The following DACH2 variants were observed in gnomAD, a reference collection of about 807,000 sequenced individuals.
The protein encoded by DACH2 is dachshund family transcription factor 2, also known as dachshund homolog 2.
In DACH2, 17 loss-of-function variants were observed where a neutral mutation model predicts 35.8. The ratio of observed to expected loss-of-function variants is 0.48; its 90% confidence interval spans 0.33 to 0.71. The LOEUF (loss-of-function observed/expected upper bound fraction) is 0.71, where lower values mean the gene tolerates loss of function less well. Ranked by LOEUF, DACH2 falls within the 30% of genes least tolerant of loss-of-function variation. DACH2 has a pLI of 0.02. For missense variants in DACH2, 469 were observed against 472.7 expected (o/e 0.99, Z 0.07); for synonymous variants, 195 against 177.3 (o/e 1.10, Z -0.79).
intron 1 of DACH2, among the ~76,000 whole-genome samples, chrX:86,359,213 A>G (rs991680652): frequency 1.8e-5 from 2 of 110,606 alleles, no homozygotes; most frequent in African/African-American, 6.6e-5. Context: ...CTGGTGAGAA[A>G]TATAAATGCT....
Position 86,228,720 on chromosome X carries a change from T to A in DACH2, c.488+79612T>A, listed in dbSNP as rs757623426. 2.7e-5 allele frequency among the ~76,000 whole-genome samples: 3 copies of A among 111,942 alleles called. No individual in the cohort carries two copies. The South Asian group carries it at 1.1e-3, about 41-fold the overall frequency. On this transcript the variant is annotated intron_variant, in intron 1 of 11. Coordinates refer to ENST00000373125, the MANE Select transcript of DACH2 (RefSeq NM_053281.3). ...TGCATTTTCCTGATTATTAGTGATG[T>A]TGAGCATTTTTTCATGTATTTTTTG...
At chrX:86,457,423 C>A (rs924053008) in intron 2 of DACH2, among the ~76,000 whole-genome samples, 2 of 111,864 alleles carry the variant, frequency 1.8e-5, no homozygotes, top group Admixed American at 9.5e-5. Context: ...CAAAGTCACC[C>A]ACATGAATCT....
chrX:86,665,626 A>T (rs1342600871), intron 4 of DACH2, among the ~76,000 whole-genome samples: 2 of 112,022 alleles, frequency 1.8e-5, no homozygotes, highest in Admixed American at 1.9e-4. Context: ...ACGAAGGAAA[A>T]ATCACAACCA....
chrX:86,646,674 T>C (rs1002556451), intron 3 of DACH2, among the ~76,000 whole-genome samples: 7 of 109,918 alleles, frequency 6.4e-5, no homozygotes, highest in African/African-American at 2.3e-4. Context: ...TGGAGGAATA[T>C]GTTTTCAAAT....
chrX:86,760,234 G>T (rs34842252), intron 7 of DACH2, among the ~76,000 whole-genome samples: 2 of 110,335 alleles, frequency 1.8e-5, no homozygotes, highest in Non-Finnish European at 3.8e-5. Flanking sequence ...ATCTGTGTGC[G>T]CAAGTCTCTT....
chrX:86,312,524 C>G (rs2034821932), intron 1 of DACH2, among the ~76,000 whole-genome samples: 1 of 111,398 alleles, frequency 9.0e-6, no homozygotes, highest in African/African-American at 3.3e-5. Flanking sequence ...CTGGGTGTGT[C>G]TGTGTGGGTG....
intron 7 of DACH2, among the ~76,000 whole-genome samples, chrX:86,790,476 C>A (rs2042176839): frequency 1.8e-5 from 2 of 112,242 alleles, no homozygotes; most frequent in African/African-American, 6.5e-5. Context: ...ACCATTGACT[C>A]TTGAACAATG....
At chrX:86,546,959 C>A (rs1056987360) in intron 3 of DACH2, among the ~76,000 whole-genome samples, 1 of 111,300 alleles carries the variant, frequency 9.0e-6, no homozygotes, top group African/African-American at 3.3e-5. Context: ...ATTAGCACTA[C>A]AAGACTTGAC....
At chrX:86,482,760 T>G (rs2148236075) in intron 2 of DACH2, among the ~76,000 whole-genome samples, 1 of 110,076 alleles carries the variant, frequency 9.1e-6, no homozygotes, top group South Asian at 3.9e-4. Context: ...CTCATTGTGG[T>G]TTTGATTTGC....
chrX:86,605,495 A>G (rs867652170), intron 3 of DACH2, among the ~76,000 whole-genome samples: 1 of 110,647 alleles, frequency 9.0e-6, no homozygotes, highest in South Asian at 3.7e-4. Flanking sequence ...AGTCTGATTT[A>G]AAAAAAATCT....
At chrX:86,419,491 G>T (rs2036765342) in intron 2 of DACH2, among the ~76,000 whole-genome samples, 1 of 111,326 alleles carries the variant, frequency 9.0e-6, no homozygotes, top group Non-Finnish European at 1.9e-5. Context: ...AAAACCATCA[G>T]ATCTCGTGAG....
intron 1 of DACH2, among the ~76,000 whole-genome samples, chrX:86,359,113 G>A (rs1320008800): frequency 1.9e-5 from 2 of 105,950 alleles, no homozygotes; most frequent in East Asian, 5.8e-4. Context: ...GTGTGTGTGT[G>A]TTTGTGTGTG....
intron 6 of DACH2, among the ~76,000 whole-genome samples, chrX:86,724,747 A>G (rs997254783): frequency 5.4e-5 from 6 of 111,545 alleles, no homozygotes; most frequent in Middle Eastern, 9.2e-3. Flanking sequence ...TAGAAATGCA[A>G]AATCCCCATA....
chrX:86,528,688 A>G (rs959840587), intron 3 of DACH2, among the ~76,000 whole-genome samples: 2 of 112,419 alleles, frequency 1.8e-5, no homozygotes, highest in African/African-American at 3.2e-5. Flanking sequence ...TTAATGAAAA[A>G]TATATGATTT....
intron 4 of DACH2, among the ~76,000 whole-genome samples, chrX:86,690,768 G>C (rs890458914): frequency 3.6e-5 from 4 of 110,051 alleles, no homozygotes; most frequent in Non-Finnish European, 7.7e-5. Flanking sequence ...TACGAAGTAA[G>C]GGCTTATAAA....
intron 3 of DACH2, among the ~76,000 whole-genome samples, chrX:86,529,758 C>A (rs1048123872): frequency 2.7e-5 from 3 of 110,839 alleles, no homozygotes; most frequent in African/African-American, 9.9e-5. Flanking sequence ...AGGTGTGAGC[C>A]ACCACTCCCA....
chrX:86,684,339 A>T (rs754844244), intron 4 of DACH2, among the ~76,000 whole-genome samples: 4 of 111,827 alleles, frequency 3.6e-5, no homozygotes, highest in Non-Finnish European at 7.5e-5. Context: ...AAAAGAAGAG[A>T]TGAATTATTC....
chrX:86,722,519 GTT>G (rs142794566), intron 6 of DACH2, among the ~76,000 whole-genome samples: 3 of 100,755 alleles, frequency 3.0e-5, no homozygotes, highest in Non-Finnish European at 4.0e-5. Flanking sequence ...TGGCTAATGT[GTT>G]TTTTTTTTTA....
At chrX:86,417,612 A>C (rs1439869569) in intron 2 of DACH2, among the ~76,000 whole-genome samples, 1 of 111,005 alleles carries the variant, frequency 9.0e-6, no homozygotes, top group Non-Finnish European at 1.9e-5. Context: ...CCACCCCCAT[A>C]ATTCAGTCAT....
Sources: allele counts gnomAD v4.1 joint callset (sites outside exome capture counted in the v4.1 genomes callset), GRCh38; gene constraint gnomAD v4.1.1; transcripts MANE v1.5; gene names NCBI Gene and HGNC (gene_info 2026-07-23, HGNC 2026-07-21).